AGGF1: variants seen among roughly 807,000 people sequenced by gnomAD.
AGGF1 encodes the protein angiogenic factor with G patch and FHA domains 1.
In AGGF1, 56 loss-of-function variants were observed where a neutral mutation model predicts 86.5. The observed-to-expected ratio is 0.65, with a 90% confidence interval of 0.52 to 0.81. The LOEUF (loss-of-function observed/expected upper bound fraction) is 0.81. AGGF1 is among the 30% of genes least tolerant of loss of function. The pLI is 0.00. For missense variants in AGGF1, 816 were observed against 850.9 expected, an observed-to-expected ratio of 0.96 and a Z score of 0.51; for synonymous variants, 313 against 297.1, an observed-to-expected ratio of 1.05 and a Z score of -0.55.
intron 5 of AGGF1, 73 bp from the exon 6 acceptor site, chr5:77,046,274 A>C (rs1580130279): frequency 7.9e-7 from 1 of 1,260,024 alleles, no homozygotes; most frequent in East Asian, 2.3e-5. Flanking sequence ...TTGAAACTTG[A>C]TGTAATGTTA....
intron 12 of AGGF1, among the ~76,000 whole-genome samples, chr5:77,060,266 G>T (rs1370867719): frequency 6.6e-6 from 1 of 152,118 alleles, no homozygotes; most frequent in Non-Finnish European, 1.5e-5. Context: ...ATGAGCACCT[G>T]TACTTAAACA....
At chr5:77,051,334 G>C (rs1187105375) in intron 8 of AGGF1, among the ~76,000 whole-genome samples, 2 of 151,844 alleles carry the variant, frequency 1.3e-5, no homozygotes, top group Non-Finnish European at 2.9e-5. Flanking sequence ...TCGGGAGGCT[G>C]AGGCAGGAGA....
At chr5:77,055,839 T>G (rs1009795028) in intron 11 of AGGF1, among the ~76,000 whole-genome samples, 1 of 152,214 alleles carries the variant, frequency 6.6e-6, no homozygotes, top group Non-Finnish European at 1.5e-5. Context: ...TTAAGATGCC[T>G]TGACATAACT....
At position 77,035,893 on chromosome 5, in the gene AGGF1, GT is replaced by G. The variant is rs946014261; in HGVS notation, c.516+155del. The G allele has an allele frequency of 1.2e-5, 9 of 753,154 alleles. No homozygotes were observed. The African/African-American group carries it at 1.2e-4, about 10-fold the overall frequency. 46.7% of individuals were successfully genotyped at this position (753,154 alleles called of 1,614,324 possible). A position where few individuals can be genotyped will look rare whatever the true frequency, so the allele number is the denominator to read the frequency against. ...GTGTAATTATGCAAAGAATGTTGTA[GT>G]TTTTCCAAAACCAGAATTAGAACTT... On this transcript the variant is annotated intron_variant, in intron 3 of 13. Coordinates refer to ENST00000312916, the MANE Select transcript of AGGF1 (RefSeq NM_018046.5).
intron 8 of AGGF1, among the ~76,000 whole-genome samples, chr5:77,050,525 C>T (rs571019930): frequency 6.6e-5 from 10 of 151,806 alleles, no homozygotes; most frequent in Non-Finnish European, 1.2e-4. Flanking sequence ...CTAACATCCG[C>T]TAGTGGGGTG....
At chr5:77,049,548 CTTTTTTTT>C (rs759329284) in intron 8 of AGGF1, among the ~76,000 whole-genome samples, 53 of 130,642 alleles carry the variant, frequency 4.1e-4, no homozygotes, top group Admixed American at 3.1e-4. Flanking sequence ...TATATTTTTA[CTTTTTTTT>C]TTTTTTTTTT....
chr5:77,046,688 A>T lies in AGGF1; in HGVS notation c.1201+11A>T. 1 of 1,611,962 alleles carries T rather than the reference A, an allele frequency of 6.2e-7. No homozygotes were observed. Among genetic ancestry groups the T allele is most frequent in the East Asian group, 2.2e-5 (1 of 44,842 alleles). On this transcript the variant is annotated intron_variant, in intron 6 of 13. Transcript: ENST00000312916. ...ATAGTGAGGATGAAGGTGAGTAAAT[A>T]ATCATTATTTAAGTAAATAGCCCAG...
chr5:77,046,842 A>T (rs1026957609), intron 6 of AGGF1, among the ~76,000 whole-genome samples, 165 bp downstream of exon 6: 1 of 152,194 alleles, frequency 6.6e-6, no homozygotes, highest in Non-Finnish European at 1.5e-5. Context: ...ATTCTTAGAG[A>T]GTAGGATGTG....
intron 8 of AGGF1, among the ~76,000 whole-genome samples, chr5:77,050,306 CTTTTTTTTTTTTTT>C (rs10595061): frequency 3.9e-5 from 3 of 76,562 alleles, no homozygotes; most frequent in African/African-American, 1.7e-4. Context: ...TTCTTTGTTT[CTTTTTTTTTTTTTT>C]TTTTTTTTTT....
At chr5:77,046,283 T>G (rs781441493) in intron 5 of AGGF1, 64 bp from the exon 6 acceptor site, 19 of 1,330,544 alleles carry the variant, frequency 1.4e-5, no homozygotes, top group African/African-American at 2.9e-5. Flanking sequence ...GATGTAATGT[T>G]ATAAGATAGT....
chr5:77,032,252 T>TA (rs35068401), intron 1 of AGGF1, among the ~76,000 whole-genome samples: 10,184 of 107,666 alleles, frequency 0.095, 1,022 homozygotes, highest in African/African-American at 0.24. Context: ...ACAAATATGG[T>TA]AAAAAAAAAA....
intron 6 of AGGF1, 148 bp from the exon 7 acceptor site, chr5:77,048,013 T>A (rs1747302293): frequency 1.5e-6 from 1 of 671,406 alleles, no homozygotes; most frequent in East Asian, 2.7e-5. Flanking sequence ...TGCTGCGTAT[T>A]ATACAGCAGA....
intron 1 of AGGF1, among the ~76,000 whole-genome samples, chr5:77,032,978 T>C (rs535792504): frequency 4.7e-4 from 72 of 152,306 alleles, no homozygotes; most frequent in Non-Finnish European, 8.7e-4. Flanking sequence ...TTTAAAAAAA[T>C]AGTAGTTCTG....
chr5:77,032,725 C>G (rs905693630), intron 1 of AGGF1, among the ~76,000 whole-genome samples: 3 of 152,070 alleles, frequency 2.0e-5, no homozygotes, highest in African/African-American at 4.8e-5. Flanking sequence ...CTTCAGAGAG[C>G]CAGCATTTTG....
rs1293502196 is a variant in AGGF1 at position 77,054,036 on chromosome 5, C to T, written c.1539C>T (p.Ser513=). The change falls in exon 10 of 14, where the codon TCC becomes TCT. Residue 513 remains serine (S), a synonymous_variant. Transcript: ENST00000312916. ...DEVKIGETVL[S]FHIHPGSDTC... ...TCAAAATTGGAGAAACTGTCTTATCCTTTCACATTCATCCTGGCAGTGATA... is the reference window on the plus strand; with the variant it reads ...TCAAAATTGGAGAAACTGTCTTATCTTTTCACATTCATCCTGGCAGTGATA... 6.2e-7 allele frequency: 1 copy of T among 1,614,000 alleles called. No individual in the cohort carries two copies. The highest frequency in any genetic ancestry group is 1.7e-5 in the Admixed American group (1 of 60,002).
rs773867768 is a variant in AGGF1 at position 77,063,200 on chromosome 5, C to T, written c.2093C>T (p.Pro698Leu). The T allele has an allele frequency of 6.2e-7, 1 of 1,613,814 alleles. No individual in the cohort carries two copies. Among genetic ancestry groups the T allele is most frequent in the Non-Finnish European group, 8.5e-7 (1 of 1,179,894 alleles). Residue 698 changes from proline to leucine, a missense_variant, in exon 14 of 14, where the codon CCT becomes CTT. Physicochemically the swap from Pro to Leu is moderately conservative, Grantham distance 98 (BLOSUM62 -3). Coordinates refer to ENST00000312916, the MANE Select transcript of AGGF1 (RefSeq NM_018046.5). ...RFTENFPETK[P>L]QKDDPGTMPW... ...ACTGAAAACTTCCCAGAAACTAAGC[C>T]TCAAAAAGATGACCCAGGGACCATG... is the stretch of plus-strand genomic sequence containing the variant.
At chr5:77,044,730 TG>T (rs1747212745) in intron 5 of AGGF1, among the ~76,000 whole-genome samples, 1 of 152,200 alleles carries the variant, frequency 6.6e-6, no homozygotes, top group Admixed American at 6.5e-5. Flanking sequence ...GTTCTTGTTC[TG>T]GGTGAATTTG....
intron 8 of AGGF1, 78 bp downstream of exon 8, chr5:77,049,065 T>C: frequency 7.0e-7 from 1 of 1,420,136 alleles, no homozygotes; most frequent in Non-Finnish European, 9.9e-7. Flanking sequence ...AGCTTAGGGA[T>C]TTTTCTCATT....
intron 8 of AGGF1, among the ~76,000 whole-genome samples, chr5:77,052,497 G>A (rs1253029935): frequency 6.6e-6 from 1 of 152,034 alleles, no homozygotes; most frequent in Non-Finnish European, 1.5e-5. Flanking sequence ...ATTTTTCATG[G>A]TAATTAAAGG....
Sources: gnomAD v4.1 joint callset for allele counts (sites outside exome capture counted in the v4.1 genomes callset) on GRCh38, gnomAD v4.1.1 for gene constraint, MANE v1.5 for transcripts, NCBI Gene and HGNC (gene_info 2026-07-23, HGNC 2026-07-21) for gene names.